CRTAC1: variants seen among roughly 807,000 people sequenced by gnomAD.
CRTAC1 encodes cartilage acidic protein 1, also known as acidic secreted protein in cartilage.
Under a neutral mutation model 67.8 loss-of-function variants are expected in CRTAC1, and 37 were observed. The ratio of observed to expected loss-of-function variants is 0.55; its 90% CI spans 0.42 to 0.72. CRTAC1 has a LOEUF of 0.72. Ranked by LOEUF, CRTAC1 falls within the 30% of genes least tolerant of loss-of-function variation. CRTAC1 has a pLI of 0.00. For missense variants in CRTAC1, 780 were observed against 931.6 expected (o/e 0.84, Z 2.12); for synonymous variants, 348 against 371.0 (o/e 0.94, Z 0.71).
chr10:97,919,554 T>C (rs1006834854), intron 4 of CRTAC1, among the ~76,000 whole-genome samples: 2 of 152,178 alleles, frequency 1.3e-5, no homozygotes, highest in African/African-American at 4.8e-5. Context: ...TATCTGAGTC[T>C]TTATGCTGCT....
intron 11 of CRTAC1, among the ~76,000 whole-genome samples, chr10:97,894,764 ATG>A (rs1564882201): frequency 2.9e-5 from 3 of 102,388 alleles, no homozygotes; most frequent in Non-Finnish European, 6.0e-5. Flanking sequence ...ATATATATAT[ATG>A]ATAGGATTTT....
At chr10:97,917,318 G>A (rs2050773449) in intron 5 of CRTAC1, among the ~76,000 whole-genome samples, 182 bp downstream of exon 5, 1 of 152,214 alleles carries the variant, frequency 6.6e-6, no homozygotes, top group African/African-American at 2.4e-5. Context: ...AATGCTTGGA[G>A]AGGCAGTGTG....
chr10:97,900,985 ACCCT>A (rs2136564948), intron 8 of CRTAC1, among the ~76,000 whole-genome samples: 2 of 136,396 alleles, frequency 1.5e-5, no homozygotes, highest in South Asian at 2.5e-4. Flanking sequence ...TAGTGATTGG[ACCCT>A]GTAGCCCCTT....
At chr10:97,964,318 A>G (rs2051578445) in intron 2 of CRTAC1, among the ~76,000 whole-genome samples, 1 of 152,176 alleles carries the variant, frequency 6.6e-6, no homozygotes, top group East Asian at 1.9e-4. Context: ...CCCCTCCTCC[A>G]TGGTTATTCT....
chr10:98,002,122 CA>C (rs1254127136), intron 2 of CRTAC1, among the ~76,000 whole-genome samples: 1 of 152,060 alleles, frequency 6.6e-6, no homozygotes, highest in Non-Finnish European at 1.5e-5. Context: ...TCAGCCAGCC[CA>C]CCGCTTAAAA....
At position 97,955,224 on chromosome 10, in the gene CRTAC1, A is replaced by G. The variant is rs188189981; in HGVS notation, c.225-18858T>C. On this transcript the variant is annotated intron_variant, in intron 2 of 14. Coordinates refer to ENST00000370597, the MANE Select transcript of CRTAC1 (RefSeq NM_018058.7). Reference sequence around the variant, plus strand: ...ACCAGAGGTTTTGGGTCTGTGTCCTATGGAGTCCAAGGGTTTCTCAGAGAG... The same window carrying G: ...ACCAGAGGTTTTGGGTCTGTGTCCTGTGGAGTCCAAGGGTTTCTCAGAGAG... 7.1e-4 allele frequency among the ~76,000 whole-genome samples: 108 copies of G among 152,308 alleles called. 1 individual carries two copies. The highest frequency in any genetic ancestry group is 6.4e-3 in the South Asian group (31 of 4,812).
chr10:97,975,919 G>A lies in CRTAC1; in HGVS notation c.224+35219C>T, dbSNP rs2051793056. 6.6e-6 allele frequency among the ~76,000 whole-genome samples: 1 copy of A among 152,222 alleles called. No individual in the cohort carries two copies. Among genetic ancestry groups the A allele is most frequent in the African/African-American group, 2.4e-5 (1 of 41,460 alleles). ...AAGAAAGAGGAACCATCTACCTGGT[G>A]TGTGGCCCGTTCCCCGAACCACATC... On this transcript the variant is annotated intron_variant, in intron 2 of 14. Coordinates refer to ENST00000370597, the MANE Select transcript of CRTAC1 (RefSeq NM_018058.7). This position sits in a 1 kb window ranked among gnomAD's most constrained non-coding sequence, Gnocchi z 4.8.
At chr10:97,950,057 G>A (rs1362095172) in intron 2 of CRTAC1, among the ~76,000 whole-genome samples, 1 of 152,112 alleles carries the variant, frequency 6.6e-6, no homozygotes, top group Non-Finnish European at 1.5e-5. Flanking sequence ...TGGAGTTCTG[G>A]TCTATATTTT....
At chr10:97,881,359 G>A (rs7070466) in intron 13 of CRTAC1, among the ~76,000 whole-genome samples, 1,597 of 152,106 alleles carry the variant, frequency 0.01, 30 homozygotes, top group African/African-American at 0.037. Flanking sequence ...CATCCTTCAG[G>A]TCTCAGCTCA....
intron 5 of CRTAC1, among the ~76,000 whole-genome samples, chr10:97,912,420 C>T (rs1466828618): frequency 6.6e-6 from 1 of 152,168 alleles, no homozygotes; most frequent in Non-Finnish European, 1.5e-5. Context: ...TTTCCCCTAG[C>T]CACATTCTGG....
intron 2 of CRTAC1, among the ~76,000 whole-genome samples, chr10:97,951,365 C>T (rs1180454920): frequency 2.0e-5 from 3 of 152,176 alleles, no homozygotes; most frequent in Admixed American, 6.5e-5. Flanking sequence ...GAGTTAAACT[C>T]TTCATTTTGA....
intron 1 of CRTAC1, among the ~76,000 whole-genome samples, chr10:98,012,870 T>G (rs1299129557): frequency 6.6e-6 from 1 of 152,120 alleles, no homozygotes; most frequent in Non-Finnish European, 1.5e-5. Context: ...CTGAGGTCAT[T>G]CCAAATTACA....
rs191861223 is a variant in CRTAC1, at chr10:97,921,584, G to A, written c.558+1680C>T. ...AGGCAGCTAAAGCATGCAGCATAAGGCTCGGCATGTCCCTAGTGTAAGAGG... is the reference window on the plus strand; with the variant it reads ...AGGCAGCTAAAGCATGCAGCATAAGACTCGGCATGTCCCTAGTGTAAGAGG... On this transcript the variant is annotated intron_variant, in intron 4 of 14. Coordinates refer to ENST00000370597, the MANE Select transcript of CRTAC1 (RefSeq NM_018058.7). Among the ~76,000 whole-genome samples the A allele has an allele frequency of 3.6e-4, 55 of 152,302 alleles. No homozygotes were observed. In the East Asian group the frequency reaches 0.01, roughly 28 times the overall value.
intron 4 of CRTAC1, 87 bp downstream of exon 4, chr10:97,923,177 C>T (rs1040282342): frequency 3.3e-6 from 5 of 1,529,240 alleles, no homozygotes; most frequent in Non-Finnish European, 4.5e-6. Context: ...CGGGAGACGC[C>T]ACTCTGTCAG....
Position 97,880,361 on chromosome 10 carries a change from C to T in CRTAC1, c.1707G>A (p.Val569=), listed in dbSNP as rs1179364894. 1 of 1,614,090 alleles carries T rather than the reference C, an allele frequency of 6.2e-7. No homozygotes were observed. Among genetic ancestry groups the T allele is most frequent in the Admixed American group, 1.7e-5 (1 of 60,020 alleles). The change falls in exon 14 of 15, where the codon GTG becomes GTA. Residue 569 remains valine, a synonymous_variant. Coordinates refer to ENST00000370597, the MANE Select transcript of CRTAC1 (RefSeq NM_018058.7). ...CACATACGGGCTTGTCTCGAGGGCA[C>T]ACGAATGGGAACTGGATGCATTCAT... ...DTNECIQFPF[V]CPRDKPVCVN... is the part of the protein sequence containing the mutation.
At chr10:97,924,307 T>C (rs1011770866) in intron 3 of CRTAC1, among the ~76,000 whole-genome samples, 4 of 152,116 alleles carry the variant, frequency 2.6e-5, no homozygotes, top group African/African-American at 9.7e-5. Flanking sequence ...CGAATGTTCG[T>C]AGTTTAGGGG....
intron 4 of CRTAC1, among the ~76,000 whole-genome samples, chr10:97,919,771 C>CTTTTTTTTTT (rs769852925): frequency 0.57 from 59,325 of 104,434 alleles, 19,371 homozygotes; most frequent in East Asian, 0.72. Flanking sequence ...ACAGTACAGC[C>CTTTTTTTTTT]TTTTTTTTTT....
chr10:98,001,880 G>A (rs1842695263), intron 2 of CRTAC1, among the ~76,000 whole-genome samples: 1 of 152,258 alleles, frequency 6.6e-6, no homozygotes, highest in African/African-American at 2.4e-5. Context: ...CAGTAGGACT[G>A]GAGAAGAGAA....
intron 5 of CRTAC1, among the ~76,000 whole-genome samples, chr10:97,913,985 C>G (rs1380081584): frequency 6.6e-6 from 1 of 152,152 alleles, no homozygotes; most frequent in Non-Finnish European, 1.5e-5. Flanking sequence ...GCAAAACTCC[C>G]CACCTGACAT....
Sources: gnomAD v4.1 joint callset for allele counts (sites outside exome capture counted in the v4.1 genomes callset) on GRCh38, gnomAD v4.1.1 for gene constraint, Gnocchi (gnomAD v3.1) non-coding constraint, MANE v1.5 for transcripts, NCBI Gene and HGNC (gene_info 2026-07-23, HGNC 2026-07-21) for gene names.